Variants in SAMD12 observed in about 807,000 individuals in gnomAD.
SAMD12 encodes the protein sterile alpha motif domain containing 12, also known as sterile alpha motif domain-containing protein 12.
Under a neutral mutation model 15.0 loss-of-function variants are expected in SAMD12, and 9 were observed. The observed-to-expected ratio is 0.60, with a 90% CI of 0.36 to 1.05. The LOEUF is 1.05. Ranked by LOEUF, SAMD12 falls within the 50% of genes least tolerant of loss-of-function variation. SAMD12 has a pLI of 0.01. For missense variants in SAMD12, 230 were observed against 234.2 expected (o/e 0.98, Z 0.12); for synonymous variants, 86 against 90.1 (o/e 0.96, Z 0.25).
chr8:118,266,672 T>C (rs1563722412), intron 4 of SAMD12, among the ~76,000 whole-genome samples: 1 of 152,254 alleles, frequency 6.6e-6, no homozygotes, highest in East Asian at 1.9e-4. Context: ...AAGAAGATCC[T>C]GTCATTTGCA....
At chr8:118,178,633 A>C in the SAMD12 span, among the ~76,000 whole-genome samples, 1 of 151,864 alleles carries the variant, frequency 6.6e-6, no homozygotes, top group Non-Finnish European at 1.5e-5. Flanking sequence ...TCCCAGCTAA[A>C]TTTTGTATTT....
chr8:118,384,174 G>A (rs1444238169), intron 3 of SAMD12, among the ~76,000 whole-genome samples: 1 of 152,110 alleles, frequency 6.6e-6, no homozygotes, highest in African/African-American at 2.4e-5. Context: ...AGTGTCACTA[G>A]GGCAGAGCAG....
intron 4 of SAMD12, among the ~76,000 whole-genome samples, chr8:118,352,717 G>C (rs922463881): frequency 2.0e-5 from 3 of 152,148 alleles, no homozygotes; most frequent in African/African-American, 7.2e-5. Flanking sequence ...GTACCTCACG[G>C]TTTCTCAAAG....
At position 118,423,018 on chromosome 8, in the gene SAMD12, A is replaced by C. The variant is rs557701233; in HGVS notation, c.322+16814T>G. Among the ~76,000 whole-genome samples, 10 of 152,250 alleles carry C rather than the reference A, an allele frequency of 6.6e-5. No individual in the cohort carries two copies. In the South Asian group the frequency reaches 2.1e-3, roughly 32 times the overall value. Reference sequence around the variant, plus strand: ...GTGAAAACCTGCCTCTACAAATAAAAATACAAAAAAATTTGGCCAAGTGTG... The same window carrying C: ...GTGAAAACCTGCCTCTACAAATAAACATACAAAAAAATTTGGCCAAGTGTG... On this transcript the variant is annotated intron_variant, in intron 3 of 3. Transcript: ENST00000314727.
At chr8:118,563,702 G>A (rs538675120) in intron 2 of SAMD12, among the ~76,000 whole-genome samples, 14 of 152,266 alleles carry the variant, frequency 9.2e-5, no homozygotes, top group Admixed American at 4.6e-4. Flanking sequence ...ATTCACTTCC[G>A]GCAGGCTACT....
chr8:118,356,700 C>A (rs1818244549), intron 4 of SAMD12, among the ~76,000 whole-genome samples: 1 of 152,220 alleles, frequency 6.6e-6, no homozygotes, highest in African/African-American at 2.4e-5. Context: ...CATACTCAGA[C>A]ATCTAACTGC....
At chr8:118,340,138 C>T (rs760077952) in intron 4 of SAMD12, among the ~76,000 whole-genome samples, 12 of 152,164 alleles carry the variant, frequency 7.9e-5, no homozygotes, top group Non-Finnish European at 1.5e-4. Flanking sequence ...TTCATTTGCC[C>T]CACAGGCTGT....
chr8:118,197,490 A>C, exon 5 of SAMD12: 1 of 596,532 alleles, frequency 1.7e-6, no homozygotes, highest in Middle Eastern at 2.9e-4. Flanking sequence ...ACTTGGAATG[A>C]GTTGGCATTA....
chr8:118,358,584 G>A (rs187863291), intron 4 of SAMD12, among the ~76,000 whole-genome samples: 2 of 152,200 alleles, frequency 1.3e-5, no homozygotes, highest in South Asian at 4.2e-4. Flanking sequence ...AAGCAAATTT[G>A]AGTCTCTATA....
intron 2 of SAMD12, among the ~76,000 whole-genome samples, chr8:118,579,378 G>C (rs1207558122): frequency 6.6e-6 from 1 of 152,056 alleles, no homozygotes; most frequent in African/African-American, 2.4e-5. Flanking sequence ...TTCCAATGTT[G>C]TTCACAAACC....
chr8:118,284,426 G>A (rs1159946896), intron 4 of SAMD12: 1 of 452,990 alleles, frequency 2.2e-6, no homozygotes, highest in Non-Finnish European at 4.4e-6. Context: ...TGACAAGTGA[G>A]TGATTCTGCC....
At chr8:118,240,957 C>A (rs1453910413) in intron 4 of SAMD12, among the ~76,000 whole-genome samples, 1 of 152,106 alleles carries the variant, frequency 6.6e-6, no homozygotes, top group Non-Finnish European at 1.5e-5. Context: ...TCTATCACCC[C>A]ATCATTCAAT....
chr8:118,322,315 T>C (rs1816326932), intron 4 of SAMD12, among the ~76,000 whole-genome samples: 1 of 152,272 alleles, frequency 6.6e-6, no homozygotes. Flanking sequence ...GGGCTGTGTC[T>C]GTCTGGGTCC....
At chr8:118,389,116 C>CA (rs1250041472) in intron 3 of SAMD12, among the ~76,000 whole-genome samples, 1 of 152,120 alleles carries the variant, frequency 6.6e-6, no homozygotes, top group African/African-American at 2.4e-5. Context: ...CCATCCCTCT[C>CA]CAGCATTTCA....
At chr8:118,570,824 T>A (rs774406125) in intron 2 of SAMD12, among the ~76,000 whole-genome samples, 2 of 152,148 alleles carry the variant, frequency 1.3e-5, no homozygotes, top group Non-Finnish European at 2.9e-5. Context: ...GGTAATTGAA[T>A]CATGCAGGCA....
rs572614536 is a variant in SAMD12, at chr8:118,532,724, G to A, written c.192+47991C>T. Among the ~76,000 whole-genome samples, 417 of 152,284 alleles carry A rather than the reference G, an allele frequency of 2.7e-3. 2 individuals are homozygous for A. Among genetic ancestry groups the A allele is most frequent in the African/African-American group, 9.3e-3 (388 of 41,558 alleles). On this transcript the variant is annotated intron_variant, in intron 2 of 3. Coordinates refer to ENST00000314727, the MANE Select transcript of SAMD12 (RefSeq NM_207506.3). ...CCTCTAGATTTTCTAGTTCATTTGCGTAGAGGTGTTTATAGCATTCTCTGA... is the reference window on the plus strand; with the variant it reads ...CCTCTAGATTTTCTAGTTCATTTGCATAGAGGTGTTTATAGCATTCTCTGA...
intron 2 of SAMD12, among the ~76,000 whole-genome samples, chr8:118,480,973 C>T (rs1824108479): frequency 6.6e-6 from 1 of 152,204 alleles, no homozygotes; most frequent in Non-Finnish European, 1.5e-5. Flanking sequence ...GACAGAGTTT[C>T]ACTCTGTTGC....
intron 3 of SAMD12, among the ~76,000 whole-genome samples, chr8:118,409,066 G>A (rs1586680852): frequency 3.3e-5 from 5 of 151,862 alleles, no homozygotes. Context: ...GCCCGGCTAA[G>A]AAAAAATTCA....
intron 3 of SAMD12, among the ~76,000 whole-genome samples, chr8:118,419,818 T>C (rs1170406748): frequency 6.6e-6 from 1 of 152,122 alleles, no homozygotes; most frequent in Non-Finnish European, 1.5e-5. Flanking sequence ...CCCTGAAAGA[T>C]TTATATAGAA....
Sources: allele counts gnomAD v4.1 joint callset (sites outside exome capture counted in the v4.1 genomes callset), GRCh38; gene constraint gnomAD v4.1.1; transcripts MANE v1.5; gene names NCBI Gene and HGNC (gene_info 2026-07-23, HGNC 2026-07-21).